AUTS2: variants seen among roughly 807,000 people sequenced by gnomAD.
The protein encoded by AUTS2 is activator of transcription and developmental regulator AUTS2, also known as autism susceptibility gene 2 protein.
A neutral mutation model predicts 112.4 loss-of-function variants in AUTS2; 17 were observed. The observed-to-expected ratio is 0.15, with a 90% confidence interval of 0.10 to 0.23. AUTS2 has a LOEUF of 0.23. Ranked by LOEUF, AUTS2 falls within the 10% of genes least tolerant of loss-of-function variation. The probability of loss-of-function intolerance (pLI) is 1.00; values close to 1 mark genes in which losing one functional copy is unlikely to be tolerated. For synonymous variants in AUTS2, 751 were observed against 702.7 expected (o/e 1.07, Z -1.09); for missense variants, 1,510 against 1,701.6 (o/e 0.89, Z 1.98).
At chr7:70,304,224 C>G (rs1450466617) in intron 4 of AUTS2, among the ~76,000 whole-genome samples, 2 of 152,156 alleles carry the variant, frequency 1.3e-5, no homozygotes, top group Admixed American at 1.3e-4. Context: ...AACTCTGAAA[C>G]TTTATAGCAG....
intron 5 of AUTS2, among the ~76,000 whole-genome samples, chr7:70,583,021 G>A (rs763305386): frequency 3.9e-5 from 6 of 152,064 alleles, no homozygotes; most frequent in African/African-American, 7.2e-5. Context: ...TTAACCTTTT[G>A]TCCAAACGCA....
intron 5 of AUTS2, among the ~76,000 whole-genome samples, chr7:70,502,260 C>T (rs1798799199): frequency 6.6e-6 from 1 of 152,210 alleles, no homozygotes; most frequent in Non-Finnish European, 1.5e-5. Flanking sequence ...TTTCCCTCTC[C>T]AGCCATGTTT....
At chr7:70,070,116 G>C (rs1802684382) in intron 2 of AUTS2, among the ~76,000 whole-genome samples, 1 of 151,992 alleles carries the variant, frequency 6.6e-6, no homozygotes, top group South Asian at 2.1e-4. Context: ...ATTTTAGTTA[G>C]GTTTCGTTTC....
chr7:70,778,191 G>A, intron 14 of AUTS2, among the ~76,000 whole-genome samples: 1 of 152,196 alleles, frequency 6.6e-6, no homozygotes, highest in East Asian at 1.9e-4. Flanking sequence ...TACAGCATCA[G>A]CGCTTGGCTT....
chr7:70,470,893 C>T (rs892374970), intron 5 of AUTS2, among the ~76,000 whole-genome samples: 5 of 152,070 alleles, frequency 3.3e-5, no homozygotes, highest in Admixed American at 2.0e-4. Context: ...ATCTGACCCG[C>T]GGCAGTGTGT....
intron 4 of AUTS2, among the ~76,000 whole-genome samples, chr7:70,336,854 A>G (rs1791012712): frequency 6.6e-6 from 1 of 152,154 alleles, no homozygotes; most frequent in African/African-American, 2.4e-5. Context: ...TTGCTCAGTA[A>G]GATAAAATTA....
At chr7:70,022,859 A>G (rs997488811) in intron 2 of AUTS2, among the ~76,000 whole-genome samples, 1 of 149,940 alleles carries the variant, frequency 6.7e-6, no homozygotes, top group African/African-American at 2.5e-5. Flanking sequence ...AATTAAATTA[A>G]TTTTTTTTTT....
intron 1 of AUTS2, among the ~76,000 whole-genome samples, chr7:69,893,487 T>C (rs1363438614): frequency 2.0e-5 from 3 of 152,214 alleles, no homozygotes; most frequent in Admixed American, 2.0e-4. Context: ...AGCCATTATG[T>C]CATTGTGTCA....
rs118157462 is a variant in AUTS2, at chr7:70,315,336, G to A, written c.661-120416G>A. On this transcript the variant is annotated intron_variant, in intron 4 of 18. Coordinates refer to ENST00000342771, the MANE Select transcript of AUTS2 (RefSeq NM_015570.4). ...ATGGATATGAGGAACAGGTAGGCCT[G>A]AATTCAAATCCTTGCTCCACTACTT... 5.7e-3 allele frequency among the ~76,000 whole-genome samples: 875 copies of A among 152,310 alleles called. 4 individuals carry two copies. The highest frequency in any genetic ancestry group is 0.018 in the South Asian group (85 of 4,820).
At chr7:69,675,979 G>A (rs1046844665) in intron 1 of AUTS2, among the ~76,000 whole-genome samples, 6 of 152,166 alleles carry the variant, frequency 3.9e-5, no homozygotes, top group African/African-American at 1.4e-4. Context: ...TGTGCTTGTA[G>A]AAGGTATTAT....
intron 6 of AUTS2, among the ~76,000 whole-genome samples, chr7:70,700,909 C>G (rs1487525784): frequency 6.6e-6 from 1 of 152,218 alleles, no homozygotes; most frequent in African/African-American, 2.4e-5. Flanking sequence ...GGTCTCCTAT[C>G]TTTGTCCAGT....
intron 1 of AUTS2, among the ~76,000 whole-genome samples, chr7:69,718,070 C>T (rs1226559345): frequency 6.6e-6 from 1 of 152,090 alleles, no homozygotes. Context: ...ATTATATTGC[C>T]GTTTATGTTG....
chr7:70,675,460 C>T (rs1807862727), intron 5 of AUTS2, among the ~76,000 whole-genome samples: 1 of 152,198 alleles, frequency 6.6e-6, no homozygotes, highest in African/African-American at 2.4e-5. Context: ...CGTGCCACTG[C>T]ACTCCAGCCT....
intron 5 of AUTS2, among the ~76,000 whole-genome samples, chr7:70,672,233 G>A (rs779208702): frequency 7.9e-5 from 12 of 152,194 alleles, no homozygotes; most frequent in Non-Finnish European, 1.2e-4. Flanking sequence ...AAATTACAGC[G>A]GAAGCTGGGG....
intron 4 of AUTS2, among the ~76,000 whole-genome samples, chr7:70,245,823 A>G (rs935254393): frequency 6.6e-6 from 1 of 152,162 alleles, no homozygotes; most frequent in Non-Finnish European, 1.5e-5. Context: ...GTTGATTTCA[A>G]AATTAATTGT....
Position 69,785,414 on chromosome 7 carries a change from C to T in AUTS2, c.310-113872C>T, listed in dbSNP as rs78897559. On this transcript the variant is annotated intron_variant, in intron 1 of 18. Coordinates refer to ENST00000342771, the MANE Select transcript of AUTS2 (RefSeq NM_015570.4). ...ATTGTTCTGTGTGATTGAGAGGCTC[C>T]CTCTCACTCAAAGTAGATGTTTGGC... Among the ~76,000 whole-genome samples, 630 of 152,310 alleles carry T rather than the reference C, an allele frequency of 4.1e-3. 7 individuals carry two copies. The highest frequency in any genetic ancestry group is 0.012 in the East Asian group (64 of 5,182).
At chr7:70,425,503 G>T (rs1048023120) in intron 4 of AUTS2, among the ~76,000 whole-genome samples, 1 of 152,130 alleles carries the variant, frequency 6.6e-6, no homozygotes, top group Non-Finnish European at 1.5e-5. Flanking sequence ...TCCTCAAAGG[G>T]CTATAGCACA....
chr7:70,190,160 A>G (rs1809808035), intron 4 of AUTS2, among the ~76,000 whole-genome samples: 1 of 152,230 alleles, frequency 6.6e-6, no homozygotes, highest in Non-Finnish European at 1.5e-5. Flanking sequence ...TTTTTCTGCC[A>G]TGATTTCCCT....
intron 5 of AUTS2, among the ~76,000 whole-genome samples, chr7:70,593,215 A>C (rs1417981579): frequency 1.3e-5 from 2 of 152,212 alleles, no homozygotes; most frequent in Non-Finnish European, 2.9e-5. Context: ...TAGAGACAAT[A>C]ATAGTACCTA....
Sources: allele counts gnomAD v4.1 joint callset (sites outside exome capture counted in the v4.1 genomes callset), GRCh38; gene constraint gnomAD v4.1.1; transcripts MANE v1.5; gene names NCBI Gene and HGNC (gene_info 2026-07-23, HGNC 2026-07-21).